The following NECTIN3 variants were observed in gnomAD, a reference collection of about 807,000 sequenced individuals.
NECTIN3 encodes nectin cell adhesion molecule 3, also known as nectin-3.
Under a neutral mutation model 49.4 loss-of-function variants are expected in NECTIN3, and 8 were observed. The ratio of observed to expected loss-of-function variants is 0.16; its 90% CI spans 0.10 to 0.29. The LOEUF is 0.29. Among genes scored for constraint, NECTIN3 ranks in the 10% least tolerant of loss-of-function variants. The pLI, the probability that NECTIN3 is intolerant of heterozygous loss-of-function variation, is 1.00. For synonymous variants in NECTIN3, 277 were observed against 241.1 expected (o/e 1.15, Z -1.38); for missense variants, 581 against 654.6 (o/e 0.89, Z 1.23).
At chr3:111,098,199 G>A (rs1200554551) in intron 1 of NECTIN3, among the ~76,000 whole-genome samples, 1 of 152,200 alleles carries the variant, frequency 6.6e-6, no homozygotes, top group African/African-American at 2.4e-5. Context: ...GTGCAAGTCT[G>A]AACGTCTTCC....
At chr3:111,154,079 A>C (rs1052214694) in intron 7 of NECTIN3, among the ~76,000 whole-genome samples, 2 of 152,184 alleles carry the variant, frequency 1.3e-5, no homozygotes, top group African/African-American at 4.8e-5. Context: ...ACACAAATAT[A>C]CTTGGCAAAT....
chr3:111,122,687 A>G (rs867057436), intron 4 of NECTIN3, among the ~76,000 whole-genome samples: 2 of 152,184 alleles, frequency 1.3e-5, no homozygotes, highest in Middle Eastern at 3.2e-3. Flanking sequence ...AGAGCTAAGT[A>G]GTAGTATACC....
chr3:111,148,020 T>G (rs1326192868), intron 7 of NECTIN3, among the ~76,000 whole-genome samples: 1 of 152,220 alleles, frequency 6.6e-6, no homozygotes, highest in Non-Finnish European at 1.5e-5. Flanking sequence ...GGGAAAGTTG[T>G]AAACTATCAG....
intron 1 of NECTIN3, among the ~76,000 whole-genome samples, chr3:111,101,367 T>C (rs758079600): frequency 2.0e-5 from 3 of 152,278 alleles, no homozygotes; most frequent in South Asian, 2.1e-4. Flanking sequence ...ATTAAAAATA[T>C]CATGATACAG....
At chr3:111,189,084 A>G (rs1291416047), upstream of NECTIN3, among the ~76,000 whole-genome samples, 2 of 152,080 alleles carry the variant, frequency 1.3e-5, no homozygotes, top group African/African-American at 4.8e-5. Flanking sequence ...TGATTGTACT[A>G]CTGTTAAGGA....
intron 7 of NECTIN3, among the ~76,000 whole-genome samples, chr3:111,150,562 T>C (rs2034979385): frequency 6.6e-6 from 1 of 151,978 alleles, no homozygotes; most frequent in Non-Finnish European, 1.5e-5. Flanking sequence ...ATAAAAAGCT[T>C]ATTGGTGTGT....
At chr3:111,115,155 A>G (rs73229188) in intron 2 of NECTIN3, among the ~76,000 whole-genome samples, 4,607 of 152,272 alleles carry the variant, frequency 0.03, 102 homozygotes, top group Middle Eastern at 0.088. Flanking sequence ...TAAACTCATA[A>G]TGTCTCCAGA....
chr3:111,126,096 C>A, intron 4 of NECTIN3, 88 bp from the exon 5 acceptor site: 1 of 935,136 alleles, frequency 1.1e-6, no homozygotes, highest in Non-Finnish European at 1.5e-6. Context: ...TGACTAACAT[C>A]TCAAACATAT....
chr3:111,136,329 T>C lies in NECTIN3; in HGVS notation c.*2114T>C, dbSNP rs2034574054. On this transcript the variant is annotated 3_prime_UTR_variant, in exon 6 of 6. Coordinates refer to ENST00000485303, the MANE Select transcript of NECTIN3 (RefSeq NM_015480.3). ...ACTGATTATGAACTTCCTTTTACAT[T>C]GTGGTTATTTGTGCGATTAGGTTTT... The C allele has an allele frequency of 1.0e-6, 1 of 984,194 alleles. No individual in the cohort carries two copies. The highest frequency in any genetic ancestry group is 4.7e-5 in the South Asian group (1 of 21,272). 61.0% of individuals were successfully genotyped at this position (984,194 alleles called of 1,614,324 possible). A position where few individuals can be genotyped will look rare whatever the true frequency, so the allele number is the denominator to read the frequency against.
At chr3:111,089,450 TACAC>T (rs917574881) in intron 1 of NECTIN3, among the ~76,000 whole-genome samples, 2 of 142,662 alleles carry the variant, frequency 1.4e-5, no homozygotes, top group African/African-American at 4.9e-5. Context: ...AACATATACA[TACAC>T]ACACATATAT....
At chr3:111,171,413 T>C (rs2035430266) in intron 7 of NECTIN3, among the ~76,000 whole-genome samples, 1 of 152,204 alleles carries the variant, frequency 6.6e-6, no homozygotes, top group Non-Finnish European at 1.5e-5. Context: ...CCTGAGGGAC[T>C]ACTTGCACTA....
At chr3:111,181,834 TTCTC>T (rs1472222962) in intron 7 of NECTIN3, among the ~76,000 whole-genome samples, 5 of 152,104 alleles carry the variant, frequency 3.3e-5, no homozygotes, top group Admixed American at 1.3e-4. Context: ...ATTTTATTAA[TTCTC>T]TCCATTGTTT....
At chr3:111,139,061 G>C (rs1018197581), downstream of NECTIN3, among the ~76,000 whole-genome samples, 1 of 151,586 alleles carries the variant, frequency 6.6e-6, no homozygotes, top group Admixed American at 6.6e-5. Context: ...GTTATCATCA[G>C]TTCCTGGTCA....
downstream of NECTIN3, among the ~76,000 whole-genome samples, chr3:111,138,550 C>T (rs1375337900): frequency 6.6e-6 from 1 of 151,532 alleles, no homozygotes; most frequent in African/African-American, 2.4e-5. Context: ...AAATTGTTTA[C>T]AAAAGTTTTG....
chr3:111,168,163 A>C (rs2035356928), intron 7 of NECTIN3, among the ~76,000 whole-genome samples: 1 of 152,180 alleles, frequency 6.6e-6, no homozygotes, highest in Admixed American at 6.5e-5. Flanking sequence ...GAACAGCCAG[A>C]TAAGGGGAAA....
intron 7 of NECTIN3, among the ~76,000 whole-genome samples, chr3:111,185,419 G>A (rs1239556395): frequency 6.6e-6 from 1 of 152,134 alleles, no homozygotes; most frequent in Non-Finnish European, 1.5e-5. Context: ...TCTGAAAACT[G>A]TTGTTTTATA....
At chr3:111,154,831 G>A (rs75663781) in intron 7 of NECTIN3, among the ~76,000 whole-genome samples, 5,350 of 152,076 alleles carry the variant, frequency 0.035, 113 homozygotes, top group Middle Eastern at 0.058. Context: ...TTATTGGATC[G>A]TTTTCTTATT....
intron 5 of NECTIN3, among the ~76,000 whole-genome samples, chr3:111,127,569 T>G (rs2034216565): frequency 6.6e-6 from 1 of 151,960 alleles, no homozygotes; most frequent in African/African-American, 2.4e-5. Flanking sequence ...ATCTGTATTT[T>G]TTTTTCTTTT....
In NECTIN3 at chr3:111,118,925, C is replaced by A; in HGVS notation, c.772C>A (p.Arg258=). 6.2e-7 allele frequency: 1 copy of A among 1,613,774 alleles called. No homozygotes were observed. Among genetic ancestry groups the A allele is most frequent in the South Asian group, 1.1e-5 (1 of 91,044 alleles). The part of the protein sequence containing the change: ...VKHPALEKDI[R]YSFILDIQYA... ...ACATCCAGCCTTGGAAAAGGACATCCGATACTCTTTCATATTAGACATACA... is the reference window on the plus strand; with the variant it reads ...ACATCCAGCCTTGGAAAAGGACATCAGATACTCTTTCATATTAGACATACA... Residue 258 remains arginine, a synonymous_variant, in exon 3 of 6, where the codon CGA becomes AGA. Coordinates refer to ENST00000485303, the MANE Select transcript of NECTIN3 (RefSeq NM_015480.3).
Sources: gnomAD v4.1 joint callset for allele counts (sites outside exome capture counted in the v4.1 genomes callset) on GRCh38, gnomAD v4.1.1 for gene constraint, MANE v1.5 for transcripts, NCBI Gene and HGNC (gene_info 2026-07-23, HGNC 2026-07-21) for gene names.